The following ALK variants were observed in gnomAD, a reference collection of about 807,000 sequenced individuals.
ALK encodes ALK tyrosine kinase receptor.
A neutral mutation model predicts 163.1 loss-of-function variants in ALK; 74 were observed. That is an observed-to-expected ratio of 0.45 (90% confidence interval 0.38 to 0.55). ALK has a LOEUF of 0.55. ALK is among the 20% of genes least tolerant of loss of function. The pLI is 0.00. For missense variants in ALK, 2,063 were observed against 2,105.3 expected, an observed-to-expected ratio of 0.98 and a Z score of 0.39; for synonymous variants, 960 against 843.2, an observed-to-expected ratio of 1.14 and a Z score of -2.40.
chr2:29,245,187 CAG>C (rs2148192356), intron 12 of ALK, among the ~76,000 whole-genome samples: 1 of 143,732 alleles, frequency 7.0e-6, no homozygotes, highest in East Asian at 2.2e-4. Context: ...GCCCTGCACA[CAG>C]TAGGGGCTTT....
At chr2:29,531,871 A>T (rs926946819) in intron 4 of ALK, 44 bp downstream of exon 4, 1 of 1,605,390 alleles carries the variant, frequency 6.2e-7, no homozygotes, top group African/African-American at 1.3e-5. Flanking sequence ...CAAAAGCCAA[A>T]TCACCTGGTA....
At chr2:29,899,912 T>C (rs186892574) in intron 1 of ALK, among the ~76,000 whole-genome samples, 7 of 152,352 alleles carry the variant, frequency 4.6e-5, no homozygotes, top group African/African-American at 7.2e-5. Flanking sequence ...GGGTCTCTGT[T>C]ACTTGCAGCC....
chr2:29,341,932 C>T (rs1667805102), intron 5 of ALK, among the ~76,000 whole-genome samples: 1 of 152,136 alleles, frequency 6.6e-6, no homozygotes, highest in African/African-American at 2.4e-5. Context: ...CTGAACTTCT[C>T]AGAACCACAA....
intron 5 of ALK, among the ~76,000 whole-genome samples, chr2:29,337,197 G>A (rs1461531053): frequency 1.3e-5 from 2 of 152,228 alleles, no homozygotes; most frequent in African/African-American, 2.4e-5. Flanking sequence ...GTCCTGCTGA[G>A]GGCTTTGGGC....
At chr2:29,719,334 T>G (rs1226293411) in intron 1 of ALK, among the ~76,000 whole-genome samples, 1 of 152,220 alleles carries the variant, frequency 6.6e-6, no homozygotes, top group East Asian at 1.9e-4. Context: ...TCTGCAGCAT[T>G]TCTGCAAAAC....
At chr2:29,243,680 C>G (rs1289370158) in intron 12 of ALK, among the ~76,000 whole-genome samples, 1 of 152,242 alleles carries the variant, frequency 6.6e-6, no homozygotes, top group Non-Finnish European at 1.5e-5. Flanking sequence ...CTGAAGACCC[C>G]TGCACCCTGT....
In ALK at chr2:29,556,330, C is replaced by T. The variant is rs147762039; in HGVS notation, c.953-24214G>A. The stretch of plus-strand genomic sequence containing the variant: ...CTTGTAGAACTATGGAGAAGTCTCA[C>T]GGAGGAAACCCATGTAAAATGCTTA... On this transcript the variant is annotated intron_variant, in intron 3 of 28. Coordinates refer to ENST00000389048, the MANE Select transcript of ALK (RefSeq NM_004304.5). Among the ~76,000 whole-genome samples the T allele has an allele frequency of 2.6e-4, 40 of 152,290 alleles. No homozygotes were observed. In the East Asian group the frequency reaches 4.2e-3, roughly 16 times the overall value.
intron 3 of ALK, among the ~76,000 whole-genome samples, chr2:29,628,762 T>C (rs1399096851): frequency 6.6e-6 from 1 of 152,190 alleles, no homozygotes; most frequent in Non-Finnish European, 1.5e-5. Flanking sequence ...AGCAATTCAA[T>C]GCAAATGACT....
chr2:29,601,945 C>T (rs1177680928), intron 3 of ALK, among the ~76,000 whole-genome samples: 1 of 151,820 alleles, frequency 6.6e-6, no homozygotes, highest in African/African-American at 2.4e-5. Context: ...TCTGAGGACA[C>T]CTGAAGGTGG....
chr2:29,531,894 T>G, intron 4 of ALK, 21 bp downstream of exon 4: 2 of 1,613,470 alleles, frequency 1.2e-6, no homozygotes, highest in Non-Finnish European at 8.5e-7. Flanking sequence ...AAATCAATTT[T>G]GGACATGGAG....
At chr2:29,454,372 C>A (rs1411571253) in intron 4 of ALK, among the ~76,000 whole-genome samples, 1 of 152,204 alleles carries the variant, frequency 6.6e-6, no homozygotes, top group Non-Finnish European at 1.5e-5. Context: ...AGATTACTTA[C>A]AATACCTAAT....
rs79614359 is a variant in ALK, at chr2:29,416,276, G to A, written c.1155-32417C>T. On this transcript the variant is annotated intron_variant, in intron 4 of 28. Coordinates refer to ENST00000389048, the MANE Select transcript of ALK (RefSeq NM_004304.5). ...TCTGGGTCTTCCCAGTCTCTGCAAG[G>A]TCTATGAATACTTGTATGCAAATTC... Among the ~76,000 whole-genome samples, 3 of 152,314 alleles carry A rather than the reference G, an allele frequency of 2.0e-5. No individual in the cohort carries two copies. In the East Asian group the frequency reaches 5.8e-4, roughly 29 times the overall value.
chr2:29,564,792 G>A (rs967427594), intron 3 of ALK, among the ~76,000 whole-genome samples: 18 of 152,148 alleles, frequency 1.2e-4, no homozygotes, highest in Non-Finnish European at 2.4e-4. Flanking sequence ...TCATCTTTCC[G>A]TTGTTGCTTT....
At chr2:29,714,360 G>C (rs147906883) in intron 2 of ALK, among the ~76,000 whole-genome samples, 58 of 152,256 alleles carry the variant, frequency 3.8e-4, no homozygotes, top group African/African-American at 1.3e-3. Flanking sequence ...ATGCAAATTA[G>C]AAGAAATATG....
chr2:29,292,382 A>G (rs1213229813), intron 9 of ALK, among the ~76,000 whole-genome samples: 1 of 152,228 alleles, frequency 6.6e-6, no homozygotes, highest in Non-Finnish European at 1.5e-5. Flanking sequence ...AGTAAGATAT[A>G]TAGAGAGAGG....
intron 1 of ALK, among the ~76,000 whole-genome samples, chr2:29,739,172 G>C (rs1168359401): frequency 7.2e-6 from 1 of 138,266 alleles, no homozygotes; most frequent in Non-Finnish European, 1.5e-5. Context: ...CGAGGAGTTT[G>C]AGGCTGCAGT....
chr2:29,220,642 G>T (rs1304101136), intron 23 of ALK, 64 bp downstream of exon 23: 1 of 1,609,280 alleles, frequency 6.2e-7, no homozygotes, highest in East Asian at 2.2e-5. Context: ...GCCCACTCTT[G>T]CTCCTTCCAT....
intron 4 of ALK, among the ~76,000 whole-genome samples, chr2:29,476,671 G>A (rs979225038): frequency 1.3e-5 from 2 of 152,080 alleles, no homozygotes; most frequent in Admixed American, 6.5e-5. Flanking sequence ...GGCACAGGAG[G>A]ATGCAGGGAA....
chr2:29,228,711 A>AAGCCAGCAGCG (rs1214724471), intron 16 of ALK, among the ~76,000 whole-genome samples, 173 bp downstream of exon 16: 1 of 149,414 alleles, frequency 6.7e-6, no homozygotes, highest in Non-Finnish European at 1.5e-5. Context: ...GCTGGCTCGA[A>AAGCCAGCAGCG]AGCCAGCACC....
Sources: gnomAD v4.1 joint callset for allele counts (sites outside exome capture counted in the v4.1 genomes callset) on GRCh38, gnomAD v4.1.1 for gene constraint, MANE v1.5 for transcripts, NCBI Gene and HGNC (gene_info 2026-07-23, HGNC 2026-07-21) for gene names.